RPS6KA3: variants seen among roughly 807,000 people sequenced by gnomAD.
RPS6KA3 encodes ribosomal protein S6 kinase A3.
A neutral mutation model predicts 67.2 loss-of-function variants in RPS6KA3; 4 were observed. The ratio of observed to expected loss-of-function variants is 0.06; its 90% CI spans 0.03 to 0.14. The LOEUF is 0.14. RPS6KA3 is among the 10% of genes least tolerant of loss of function. The pLI is 1.00. For synonymous variants in RPS6KA3, 182 were observed against 183.7 expected (o/e 0.99, Z 0.07); for missense variants, 204 against 559.0 (o/e 0.36, Z 6.40).
chrX:20,176,254 G>C lies in RPS6KA3; in HGVS notation c.1098C>G (p.Pro366=), dbSNP rs769964077. 7.2e-6 allele frequency: 8 copies of C among 1,113,629 alleles called. No individual in the cohort carries two copies. The highest frequency in any genetic ancestry group is 8.7e-6 in the Non-Finnish European group (7 of 806,585). The allele number at this position is 1,113,629 out of a possible 1,213,427, so 91.8% of individuals were successfully genotyped here. The change falls in exon 13 of 22, where the codon CCC becomes CCG. Residue 366 remains proline, a synonymous_variant. Transcript: ENST00000379565. ...ATTTTCACATTTTCTCCTTACCTTT[G>C]GGAGTTTTTGCAGTAAACTCAGGAT... ...YFDPEFTAKT[P]KDSPGIPPSA...
intron 1 of RPS6KA3, among the ~76,000 whole-genome samples, chrX:20,247,679 T>C (rs1376144691): frequency 1.9e-5 from 2 of 108,054 alleles, no homozygotes; most frequent in East Asian, 5.8e-4. Flanking sequence ...CCCAGCTACT[T>C]GGGAGGCTGA....
At chrX:20,183,132 T>A (rs1415566689) in intron 10 of RPS6KA3, among the ~76,000 whole-genome samples, 5 of 111,454 alleles carry the variant, frequency 4.5e-5, no homozygotes, top group African/African-American at 1.6e-4. Context: ...TCTTATTGAT[T>A]GGGGTTCTAG....
At chrX:20,261,686 C>T (rs1451397906) in intron 1 of RPS6KA3, among the ~76,000 whole-genome samples, 1 of 112,132 alleles carries the variant, frequency 8.9e-6, no homozygotes, top group Non-Finnish European at 1.9e-5. Flanking sequence ...CACACATTTG[C>T]GTTTGTTTTG....
At chrX:20,243,824 T>A (rs1184193989) in intron 1 of RPS6KA3, among the ~76,000 whole-genome samples, 1 of 111,545 alleles carries the variant, frequency 9.0e-6, no homozygotes, top group Non-Finnish European at 1.9e-5. Flanking sequence ...CACATAAAAG[T>A]CTTTTAATAA....
upstream of RPS6KA3, chrX:20,266,956 C>T (rs1263691872): frequency 1.1e-5 from 8 of 733,917 alleles, no homozygotes; most frequent in Non-Finnish European, 1.3e-5. Context: ...CCCCCCCCGC[C>T]GGTTCCCGCG....
chrX:20,186,560 G>A (rs1603424921), intron 9 of RPS6KA3, among the ~76,000 whole-genome samples, 194 bp from the exon 10 acceptor site: 1 of 101,418 alleles, frequency 9.9e-6, no homozygotes, highest in East Asian at 3.0e-4. Flanking sequence ...GAGCTATACA[G>A]TTTTTTTTTT....
At chrX:20,266,348 G>A (rs1195937729) in intron 1 of RPS6KA3, among the ~76,000 whole-genome samples, 1 of 111,581 alleles carries the variant, frequency 9.0e-6, no homozygotes, top group Non-Finnish European at 1.9e-5. Context: ...CACACTGGCA[G>A]CCCCCCGAGC....
At chrX:20,255,459 G>A in intron 1 of RPS6KA3, among the ~76,000 whole-genome samples, 1 of 111,782 alleles carries the variant, frequency 8.9e-6, no homozygotes, top group East Asian at 2.8e-4. Flanking sequence ...TCATATACAA[G>A]GGTGAATTTT....
chrX:20,233,772 AAAAC>A (rs2069335703), intron 2 of RPS6KA3, among the ~76,000 whole-genome samples: 1 of 111,475 alleles, frequency 9.0e-6, no homozygotes, highest in Admixed American at 9.5e-5. Flanking sequence ...CCAAAACAAA[AAAAC>A]AAAACAAAGA....
intron 2 of RPS6KA3, among the ~76,000 whole-genome samples, chrX:20,229,967 T>C (rs1463075107): frequency 8.9e-6 from 1 of 112,289 alleles, no homozygotes; most frequent in Non-Finnish European, 1.9e-5. Context: ...AAAATGCTTT[T>C]AGACTACAGA....
intron 1 of RPS6KA3, among the ~76,000 whole-genome samples, chrX:20,238,516 CTT>C (rs71786970): frequency 0.023 from 2,512 of 111,004 alleles, 69 homozygotes; most frequent in African/African-American, 0.077. Flanking sequence ...CAATCAGCCT[CTT>C]CACTATTTTC....
intron 2 of RPS6KA3, among the ~76,000 whole-genome samples, chrX:20,233,758 C>G (rs906599524): frequency 6.3e-5 from 7 of 110,457 alleles, no homozygotes; most frequent in African/African-American, 2.3e-4. Flanking sequence ...GTCTCAAAAA[C>G]CCCCCAAAAC....
intron 4 of RPS6KA3, among the ~76,000 whole-genome samples, chrX:20,201,138 C>T (rs1364239028): frequency 9.0e-6 from 1 of 110,695 alleles, no homozygotes; most frequent in Admixed American, 9.6e-5. Context: ...TTTATGCTGC[C>T]ATCATATGAA....
At chrX:20,232,340 C>G (rs754648691) in intron 2 of RPS6KA3, among the ~76,000 whole-genome samples, 1 of 111,179 alleles carries the variant, frequency 9.0e-6, no homozygotes, top group South Asian at 3.8e-4. Context: ...TTTGGGAGGC[C>G]GAGGCGAGCA....
intron 2 of RPS6KA3, among the ~76,000 whole-genome samples, chrX:20,225,728 G>C (rs1333823979): frequency 8.9e-6 from 1 of 111,857 alleles, no homozygotes; most frequent in African/African-American, 3.3e-5. Flanking sequence ...GCAATGGTAT[G>C]CTGTTAACAT....
At chrX:20,186,227 C>G in intron 10 of RPS6KA3, 69 bp downstream of exon 10, 1 of 756,232 alleles carries the variant, frequency 1.3e-6, no homozygotes, top group Admixed American at 2.2e-5. Context: ...CAGGCATGAG[C>G]CACAGCGCCC....
chrX:20,187,767 A>T lies in RPS6KA3; in HGVS notation c.774+61T>A, dbSNP rs184130879. ...AAAAACACCAGTTTCTTTAACATTC[A>T]CTGCTGATCCTCACTTAACAATCTC... On this transcript the variant is annotated intron_variant, in intron 9 of 21. Coordinates refer to ENST00000379565, the MANE Select transcript of RPS6KA3 (RefSeq NM_004586.3). The T allele has an allele frequency of 2.3e-4, 222 of 961,272 alleles. 2 individuals are homozygous for T. In the African/African-American group the frequency reaches 3.2e-3, roughly 14 times the overall value. The allele number at this position is 961,272 out of a possible 1,213,427, so 79.2% of individuals were successfully genotyped here. A position where few individuals can be genotyped will look rare whatever the true frequency, so the allele number is the denominator to read the frequency against.
intron 1 of RPS6KA3, among the ~76,000 whole-genome samples, chrX:20,254,171 C>T (rs901115830): frequency 1.8e-5 from 2 of 111,915 alleles, no homozygotes; most frequent in Admixed American, 9.5e-5. Flanking sequence ...CGTTACTTCA[C>T]TTGAGATGGA....
At chrX:20,168,533 G>A (rs1393754164) in intron 16 of RPS6KA3, among the ~76,000 whole-genome samples, 1 of 111,575 alleles carries the variant, frequency 9.0e-6, no homozygotes, top group African/African-American at 3.3e-5. Context: ...TAGACTGTAG[G>A]CAGGGAAGTT....
Sources: gnomAD v4.1 joint callset for allele counts (sites outside exome capture counted in the v4.1 genomes callset) on GRCh38, gnomAD v4.1.1 for gene constraint, MANE v1.5 for transcripts, NCBI Gene and HGNC (gene_info 2026-07-23, HGNC 2026-07-21) for gene names.